Variants in AP1AR observed in about 807,000 individuals in gnomAD.
AP1AR encodes AP-1 complex-associated regulatory protein.
In AP1AR, 29 loss-of-function variants were observed where a neutral mutation model predicts 46.3. The ratio of observed to expected loss-of-function variants is 0.63; its 90% CI spans 0.47 to 0.85. AP1AR has a LOEUF of 0.85. Ranked by LOEUF, AP1AR falls within the 40% of genes least tolerant of loss-of-function variation. The pLI is 0.00. For missense variants in AP1AR, 357 were observed against 356.3 expected (o/e 1.00, Z -0.02); for synonymous variants, 122 against 122.9 (o/e 0.99, Z 0.05).
chr4:112,253,213 A>G lies in AP1AR; in HGVS notation c.89A>G (p.Lys30Arg). ...LQRVGGGGGS[K>R]YFRTCSRGEH... Reference sequence around the variant, plus strand: ...TATTCTGTTTTCCTTCCCAGATCCAAGTATTTTAGAACATGCTCAAGAGGT... The same window carrying G: ...TATTCTGTTTTCCTTCCCAGATCCAGGTATTTTAGAACATGCTCAAGAGGT... Residue 30 changes from lysine to arginine, a missense_variant, in exon 2 of 10, where the codon AAG becomes AGG. By Grantham distance (26) the Lys-to-Arg change is conservative. Around this residue, in one of 2 missense-constraint regions of AP1AR, gnomAD observed 269 missense variants for 223.6 expected, o/e 1.20. Coordinates refer to ENST00000274000, the MANE Select transcript of AP1AR (RefSeq NM_018569.6). 1 of 1,609,536 alleles carries G rather than the reference A, an allele frequency of 6.2e-7. No homozygotes were observed. Among genetic ancestry groups the G allele is most frequent in the Middle Eastern group, 1.7e-4 (1 of 5,860 alleles).
At chr4:112,245,705 C>T (rs1040660761) in intron 1 of AP1AR, among the ~76,000 whole-genome samples, 2 of 152,120 alleles carry the variant, frequency 1.3e-5, no homozygotes, top group African/African-American at 2.4e-5. Flanking sequence ...AAATAAGCTT[C>T]GTTCCTGACC....
chr4:112,232,940 T>G (rs2110460277), intron 1 of AP1AR, among the ~76,000 whole-genome samples: 1 of 152,350 alleles, frequency 6.6e-6, no homozygotes, highest in South Asian at 2.1e-4. Flanking sequence ...AGAATAGTAA[T>G]TTCATAATTC....
chr4:112,249,351 C>CT (rs1725854530), intron 1 of AP1AR, among the ~76,000 whole-genome samples: 1 of 102,420 alleles, frequency 9.8e-6, no homozygotes, highest in East Asian at 2.8e-4. Flanking sequence ...CTCTAAGGTA[C>CT]TTTTCTTTAA....
rs1439202824 is a variant in AP1AR at position 112,260,774 on chromosome 4, C to T, written c.194C>T (p.Thr65Ile). Reference sequence around the variant, plus strand: ...CTCCTTTTTTTCTCTAGGCCTCTTACTGAGGAAGAAATTGTTGACCTAAGA... The same window carrying T: ...CTCCTTTTTTTCTCTAGGCCTCTTATTGAGGAAGAAATTGTTGACCTAAGA... ...ESPGSSHRPL[T>I]EEEIVDLRER... The change falls in exon 5 of 10, where the codon ACT (threonine) becomes ATT (isoleucine). Residue 65 changes from threonine (T) to isoleucine (I), a missense_variant. Thr to Ile is a moderately conservative substitution (Grantham distance 89). Transcript: ENST00000274000. The T allele has an allele frequency of 3.1e-6, 5 of 1,587,366 alleles. No homozygotes were observed. The highest frequency in any genetic ancestry group is 4.3e-6 in the Non-Finnish European group (5 of 1,167,992).
chr4:112,256,123 A>G (rs973207158), intron 3 of AP1AR, among the ~76,000 whole-genome samples: 7 of 152,200 alleles, frequency 4.6e-5, no homozygotes, highest in Admixed American at 2.6e-4. Context: ...AGATTGAGAT[A>G]AACTATTGTT....
At chr4:112,250,884 C>A (rs531034678) in intron 1 of AP1AR, among the ~76,000 whole-genome samples, 1 of 152,232 alleles carries the variant, frequency 6.6e-6, no homozygotes. Context: ...AATTTACTCC[C>A]TTGTCATATC....
At chr4:112,247,776 C>A (rs1725785555) in intron 1 of AP1AR, among the ~76,000 whole-genome samples, 1 of 152,168 alleles carries the variant, frequency 6.6e-6, no homozygotes, top group Non-Finnish European at 1.5e-5. Flanking sequence ...GAAGTTGTTA[C>A]AGCTAATAGA....
Position 112,271,827 on chromosome 4 carries a change from G to T in AP1AR, c.*3418G>T, listed in dbSNP as rs1726965759. ...GGTTCAAGTTTGGGAGTCATTAGTA[G>T]GAAAATGGTATTTTAAGTCATTAAA... On this transcript the variant is annotated 3_prime_UTR_variant, in exon 10 of 10. Coordinates refer to ENST00000274000, the MANE Select transcript of AP1AR (RefSeq NM_018569.6). 6.6e-6 allele frequency among the ~76,000 whole-genome samples: 1 copy of T among 152,174 alleles called. No individual in the cohort carries two copies. Among genetic ancestry groups the T allele is most frequent in the South Asian group, 2.1e-4 (1 of 4,826 alleles).
At chr4:112,262,100 G>T (rs147511383) in intron 5 of AP1AR, among the ~76,000 whole-genome samples, 1 of 152,140 alleles carries the variant, frequency 6.6e-6, no homozygotes, top group Non-Finnish European at 1.5e-5. Flanking sequence ...GATTGCTCAA[G>T]TCCAGGAGTT....
At chr4:112,249,150 G>A (rs866687625) in intron 1 of AP1AR, among the ~76,000 whole-genome samples, 49 of 151,842 alleles carry the variant, frequency 3.2e-4, no homozygotes, top group Middle Eastern at 3.4e-3. Context: ...AAAAATTAGC[G>A]GGGCGTGGTG....
Position 112,272,574 on chromosome 4 carries a change from GA to G in AP1AR, c.*4172del, listed in dbSNP as rs543638226. ...CACATACAGGGAGGGAAGAGATGGG[GA>G]AAAAAATAGGAAATAATAAATCTCT... On this transcript the variant is annotated 3_prime_UTR_variant, in exon 10 of 10. Coordinates refer to ENST00000274000, the MANE Select transcript of AP1AR (RefSeq NM_018569.6). 1.3e-5 allele frequency among the ~76,000 whole-genome samples: 2 copies of G among 151,980 alleles called. No individual in the cohort carries two copies. The highest frequency in any genetic ancestry group is 4.8e-5 in the African/African-American group (2 of 41,382).
intron 1 of AP1AR, among the ~76,000 whole-genome samples, chr4:112,248,512 A>G (rs1357210450): frequency 6.6e-6 from 1 of 152,228 alleles, no homozygotes. Flanking sequence ...AATACCAACA[A>G]AAAATAAAAC....
chr4:112,249,433 G>T (rs1725859873), intron 1 of AP1AR, among the ~76,000 whole-genome samples: 1 of 151,816 alleles, frequency 6.6e-6, no homozygotes, highest in Non-Finnish European at 1.5e-5. Context: ...GCCGAGGTGG[G>T]TGGATCACCT....
intron 1 of AP1AR, among the ~76,000 whole-genome samples, chr4:112,235,955 C>T (rs1448644175): frequency 6.6e-6 from 1 of 152,046 alleles, no homozygotes; most frequent in South Asian, 2.1e-4. Flanking sequence ...GCTATTCTTA[C>T]TCTGTCTATT....
rs1181885564 is a variant in AP1AR, at chr4:112,271,773, A to G, written c.*3364A>G. 6.6e-6 allele frequency among the ~76,000 whole-genome samples: 1 copy of G among 152,192 alleles called. No individual in the cohort carries two copies. The highest frequency in any genetic ancestry group is 1.5e-5 in the Non-Finnish European group (1 of 68,044). ...GAAGATGTCAAGTAGGTGATGGGAT[A>G]TATGTCTGCAGCCCAAGAAAGAGGT... On this transcript the variant is annotated 3_prime_UTR_variant, in exon 10 of 10. Transcript: ENST00000274000.
intron 9 of AP1AR, among the ~76,000 whole-genome samples, chr4:112,267,536 A>G (rs1395062147): frequency 6.6e-6 from 1 of 151,926 alleles, no homozygotes; most frequent in Non-Finnish European, 1.5e-5. Context: ...TTGGAGCCAG[A>G]CTGAATGGAT....
chr4:112,262,921 T>C (rs1726517073), intron 5 of AP1AR, 67 bp from the exon 6 acceptor site: 2 of 1,025,258 alleles, frequency 2.0e-6, no homozygotes, highest in South Asian at 2.8e-5. Flanking sequence ...AATAGAAGCA[T>C]TTTATTTTTA....
intron 8 of AP1AR, 70 bp from the exon 9 acceptor site, chr4:112,266,518 A>C: frequency 7.0e-7 from 1 of 1,420,224 alleles, no homozygotes; most frequent in Non-Finnish European, 9.6e-7. Context: ...GATAATTGTT[A>C]CAAAATAAAA....
At chr4:112,235,816 C>T (rs889732069) in intron 1 of AP1AR, among the ~76,000 whole-genome samples, 3 of 152,088 alleles carry the variant, frequency 2.0e-5, no homozygotes, top group Non-Finnish European at 4.4e-5. Context: ...AACGTTGTCA[C>T]CAGAAGAACT....
Sources: gnomAD v4.1 joint callset for allele counts (sites outside exome capture counted in the v4.1 genomes callset) on GRCh38, gnomAD v4.1.1 for gene constraint, gnomAD v4.1.1 regional missense constraint, MANE v1.5 for transcripts, NCBI Gene and HGNC (gene_info 2026-07-23, HGNC 2026-07-21) for gene names.